ZP2: variants seen among roughly 807,000 people sequenced by gnomAD.
The protein encoded by ZP2 is zona pellucida sperm-binding protein 2.
In ZP2, 51 loss-of-function variants were observed where a neutral mutation model predicts 84.0. The ratio of observed to expected loss-of-function variants is 0.61; its 90% CI spans 0.49 to 0.77. The LOEUF is 0.77. ZP2 is among the 30% of genes least tolerant of loss of function. The pLI, the probability that ZP2 is intolerant of heterozygous loss-of-function variation, is 0.00. For missense variants in ZP2, 909 were observed against 911.9 expected (o/e 1.00, Z 0.04); for synonymous variants, 375 against 330.9 (o/e 1.13, Z -1.45).
intron 2 of ZP2, among the ~76,000 whole-genome samples, chr16:21,210,432 T>C (rs2093269513): frequency 6.6e-6 from 1 of 151,758 alleles, no homozygotes; most frequent in Non-Finnish European, 1.5e-5. Flanking sequence ...CAGGTTAGGG[T>C]TGACAAGCAG....
Position 21,210,954 on chromosome 16 carries a change from A to G in ZP2, c.151+353T>C, listed in dbSNP as rs777134365. Reference sequence around the variant, plus strand: ...CAGCCTCTGGCTCAGGTGAACGTCAAGTGAGCAGCTCCAGTTTTGCTTGTT... The same window carrying G: ...CAGCCTCTGGCTCAGGTGAACGTCAGGTGAGCAGCTCCAGTTTTGCTTGTT... On this transcript the variant is annotated intron_variant, in intron 2 of 18. Coordinates refer to ENST00000574091, the MANE Select transcript of ZP2 (RefSeq NM_001376232.1). 9.5e-4 allele frequency among the ~76,000 whole-genome samples: 144 copies of G among 151,804 alleles called. 1 individual carries two copies. Among genetic ancestry groups the G allele is most frequent in the Non-Finnish European group, 3.1e-4 (21 of 68,002 alleles).
rs541487118 is a variant in ZP2 at position 21,204,332 on chromosome 16, A to G, written c.766T>C (p.Ser256Pro). The G allele has an allele frequency of 5.0e-6, 8 of 1,614,122 alleles. No individual in the cohort carries two copies. The Admixed American group carries it at 1.2e-4, about 24-fold the overall frequency. ...FISPGQKVIF[S>P]SQAICAPDPV... ...CCTGGTGCACAAATAGCTTGTGAAGAGAAGATCACCTTCTGTCCAGGAGAT... is the reference window on the plus strand; with the variant it reads ...CCTGGTGCACAAATAGCTTGTGAAGGGAAGATCACCTTCTGTCCAGGAGAT... Residue 256 changes from serine (S) to proline (P), a missense_variant, in exon 8 of 19, where the codon TCT (serine) becomes CCT (proline). Transcript: ENST00000574091.
At chr16:21,209,516 C>G in intron 4 of ZP2, 115 bp downstream of exon 4, 1 of 842,958 alleles carries the variant, frequency 1.2e-6, no homozygotes, top group East Asian at 2.6e-5. Context: ...GACACCACCC[C>G]CTTGGTTGAG....
chr16:21,205,379 G>C, intron 7 of ZP2, 41 bp downstream of exon 7: 2 of 1,603,766 alleles, frequency 1.2e-6, no homozygotes, highest in Non-Finnish European at 1.7e-6. Context: ...AGGAATACTG[G>C]CCTGTGCTTT....
chr16:21,211,156 T>C, intron 2 of ZP2, 151 bp downstream of exon 2: 1 of 695,172 alleles, frequency 1.4e-6, no homozygotes. Context: ...GTCTACAGGT[T>C]AGCAGAAGAA....
intron 4 of ZP2, among the ~76,000 whole-genome samples, chr16:21,208,421 G>A (rs899164641): frequency 1.5e-4 from 23 of 152,188 alleles, no homozygotes; most frequent in African/African-American, 5.5e-4. Context: ...GTTCAAGCCT[G>A]TTTACAGAGT....
intron 4 of ZP2, among the ~76,000 whole-genome samples, chr16:21,207,849 G>T (rs1359800602): frequency 1.3e-5 from 2 of 151,806 alleles, no homozygotes; most frequent in African/African-American, 4.8e-5. Flanking sequence ...GCAAGACCCT[G>T]TCTCAAGAAG....
intron 2 of ZP2, 55 bp from the exon 3 acceptor site, chr16:21,210,247 A>G (rs1396720722): frequency 7.2e-7 from 1 of 1,387,756 alleles, no homozygotes; most frequent in Non-Finnish European, 1.0e-6. Context: ...TGCAACTCCT[A>G]CAAAAGTGTA....
chr16:21,205,565 C>T lies in ZP2; in HGVS notation c.548G>A (p.Gly183Glu), dbSNP rs2093245829. The change falls in exon 7 of 19, where the codon GGA (glycine) becomes GAA (glutamate). Residue 183 changes from glycine to glutamate, a missense_variant. Coordinates refer to ENST00000574091, the MANE Select transcript of ZP2 (RefSeq NM_001376232.1). ...DDSKGTKVQM[G>E]WSIEVGDGAR... ...ACCATCACCAACCTCAATGCTCCAT[C>T]CCATCTGAACTTTGGTCCCCTGAAG... The T allele has an allele frequency of 6.2e-7, 1 of 1,614,116 alleles. No individual in the cohort carries two copies. Among genetic ancestry groups the T allele is most frequent in the African/African-American group, 1.3e-5 (1 of 75,024 alleles).
rs2093274570 is a variant in ZP2 at position 21,211,398 on chromosome 16, GGAAA to G, written c.63-7_63-4del. 6 of 1,614,138 alleles carry G rather than the reference GGAAA, an allele frequency of 3.7e-6. No individual in the cohort carries two copies. The highest frequency in any genetic ancestry group is 5.1e-6 in the Non-Finnish European group (6 of 1,180,016). ...AGAGAGAAATCGACCTGTAGGTGCT[GGAAA>G]GAGACAGGGAGATAGTCAAGGAAGA... On this transcript the variant is annotated splice_polypyrimidine_tract_variant and splice_region_variant and intron_variant, in intron 1 of 18. Coordinates refer to ENST00000574091, the MANE Select transcript of ZP2 (RefSeq NM_001376232.1).
intron 16 of ZP2, among the ~76,000 whole-genome samples, chr16:21,199,318 CAAAAAA>C (rs10644558): frequency 0.018 from 844 of 45,702 alleles, 13 homozygotes; most frequent in African/African-American, 0.092. Flanking sequence ...AAAACTGTCT[CAAAAAA>C]AAAAAAAAAA....
rs369179485 is a variant in ZP2, at chr16:21,199,716, G to A, written c.1830+27C>T. The A allele has an allele frequency of 4.3e-6, 7 of 1,613,610 alleles. No homozygotes were observed. In the African/African-American group the frequency reaches 6.7e-5, roughly 15 times the overall value. ...GAATCGATGCACTAACATTTAACCT[G>A]TCCCTGGTGACTTCTGAATCACTTA... is the stretch of plus-strand genomic sequence containing the variant. On this transcript the variant is annotated intron_variant, in intron 15 of 18. Coordinates refer to ENST00000574091, the MANE Select transcript of ZP2 (RefSeq NM_001376232.1).
rs1200366580 is a variant in ZP2, at chr16:21,205,775, A to G, written c.484T>C (p.Phe162Leu). 1 of 1,613,802 alleles carries G rather than the reference A, an allele frequency of 6.2e-7. No homozygotes were observed. Among genetic ancestry groups the G allele is most frequent in the Non-Finnish European group, 8.5e-7 (1 of 1,179,896 alleles). Reference protein sequence around the residue: ...STICQKDFMSFSLPRVFSGLA... With the variant: ...STICQKDFMSLSLPRVFSGLA... ...CCAGAGAAGACCCGTGGCAAGGAAA[A>G]CTGGAAGAAAAGAATTGTGATGTAA... The change falls in exon 6 of 19, where the codon TTT becomes CTT. Residue 162 changes from phenylalanine to leucine, a missense_variant and splice_region_variant. Phe to Leu is a conservative substitution (Grantham distance 22, BLOSUM62 0). Coordinates refer to ENST00000574091, the MANE Select transcript of ZP2 (RefSeq NM_001376232.1).
rs190651334 is a variant in ZP2, at chr16:21,206,847, A to T, written c.474T>A (p.Asp158Glu). 21 of 1,614,068 alleles carry T rather than the reference A, an allele frequency of 1.3e-5. No homozygotes were observed. The East Asian group carries it at 4.5e-4, about 34-fold the overall frequency. Residue 158 changes from aspartate (D) to glutamate (E), a missense_variant, in exon 5 of 19, where the codon GAT becomes GAA. Physicochemically the swap from Asp to Glu is conservative, Grantham distance 45 (BLOSUM62 2). Transcript: ENST00000574091. ...AGCCCGTTTCACTCACAGACATGAAATCCTTCTGGCAGATTGTAGATGCTG... is the reference window on the plus strand; with the variant it reads ...AGCCCGTTTCACTCACAGACATGAATTCCTTCTGGCAGATTGTAGATGCTG... Reference protein sequence around the residue: ...GLSASTICQKDFMSFSLPRVF... With the variant: ...GLSASTICQKEFMSFSLPRVF...
upstream of ZP2, among the ~76,000 whole-genome samples, chr16:21,213,923 C>T (rs1046592569): frequency 6.6e-6 from 1 of 151,872 alleles, no homozygotes; most frequent in South Asian, 2.1e-4. Flanking sequence ...GGAGCATAGA[C>T]GTGAGACTCA....
At chr16:21,212,063 G>A (rs1474963786), upstream of ZP2, among the ~76,000 whole-genome samples, 1 of 152,004 alleles carries the variant, frequency 6.6e-6, no homozygotes, top group Non-Finnish European at 1.5e-5. Flanking sequence ...GAGTAGCTGG[G>A]ATTACAGGTG....
intron 17 of ZP2, 95 bp from the exon 18 acceptor site, chr16:21,197,944 G>T: frequency 1.7e-6 from 2 of 1,185,490 alleles, no homozygotes; most frequent in Non-Finnish European, 2.5e-6. Flanking sequence ...TGTTCATTAA[G>T]GCTATCTCAG....
At chr16:21,207,635 AACACACACACACACACACACACAC>A (rs10530241) in intron 4 of ZP2, among the ~76,000 whole-genome samples, 10 of 143,862 alleles carry the variant, frequency 7.0e-5, no homozygotes, top group East Asian at 2.1e-4. Flanking sequence ...ATATATATTA[AACACACACACACACACACACACAC>A]ACACACACAC....
chr16:21,209,262 G>T (rs1403011722), intron 4 of ZP2, among the ~76,000 whole-genome samples: 1 of 152,148 alleles, frequency 6.6e-6, no homozygotes, highest in Non-Finnish European at 1.5e-5. Flanking sequence ...CTGTCCCCTG[G>T]GTTTAAGCGA....
Sources: allele counts gnomAD v4.1 joint callset (sites outside exome capture counted in the v4.1 genomes callset), GRCh38; gene constraint gnomAD v4.1.1; transcripts MANE v1.5; gene names NCBI Gene and HGNC (gene_info 2026-07-23, HGNC 2026-07-21).